XYLT1: variants seen among roughly 807,000 people sequenced by gnomAD.
XYLT1 encodes the protein xylosyltransferase 1.
XYLT1 carries 36 observed loss-of-function variants against 91.3 expected under a neutral mutation model. That is an observed-to-expected ratio of 0.39 (90% CI 0.30 to 0.52). The LOEUF is 0.52. Among genes scored for constraint, XYLT1 ranks in the 20% least tolerant of loss-of-function variants. The pLI is 0.68. For missense variants in XYLT1, 1,242 were observed against 1,284.5 expected, an observed-to-expected ratio of 0.97 and a Z score of 0.51; for synonymous variants, 588 against 532.0, an observed-to-expected ratio of 1.11 and a Z score of -1.45.
intron 1 of XYLT1, among the ~76,000 whole-genome samples, chr16:17,418,754 G>A (rs1025455320): frequency 6.6e-6 from 1 of 151,900 alleles, no homozygotes; most frequent in Non-Finnish European, 1.5e-5. Context: ...AGTCTGAGGT[G>A]GGAGGCTCGC....
At chr16:17,358,197 A>T in intron 1 of XYLT1, 147 bp from the exon 2 acceptor site, 11 of 784,952 alleles carry the variant, frequency 1.4e-5, no homozygotes, top group South Asian at 3.7e-5. Flanking sequence ...TGGCATGATC[A>T]TAGCTCACTC....
intron 9 of XYLT1, among the ~76,000 whole-genome samples, chr16:17,133,518 A>G (rs562289088): frequency 4.6e-5 from 7 of 152,012 alleles, no homozygotes; most frequent in South Asian, 2.1e-4. Context: ...CTTCTGCTCA[A>G]TGGAATACTA....
intron 5 of XYLT1, among the ~76,000 whole-genome samples, chr16:17,182,689 T>TG (rs532893768): frequency 3.0e-5 from 2 of 67,476 alleles, no homozygotes; most frequent in African/African-American, 1.2e-4. Context: ...TAGGCATATG[T>TG]GGGGGGTGGG....
intron 10 of XYLT1, among the ~76,000 whole-genome samples, chr16:17,122,256 G>A (rs1019214673): frequency 6.6e-6 from 1 of 152,086 alleles, no homozygotes; most frequent in Admixed American, 6.6e-5. Context: ...CCACATCCAT[G>A]CCAACATCTG....
chr16:17,402,729 C>CTT (rs34157222), intron 1 of XYLT1, among the ~76,000 whole-genome samples: 1 of 146,378 alleles, frequency 6.8e-6, no homozygotes, highest in African/African-American at 2.6e-5. Flanking sequence ...TTACTATATC[C>CTT]TTTTTTTTCT....
chr16:17,293,172 C>A (rs1211561577), intron 2 of XYLT1, among the ~76,000 whole-genome samples: 1 of 152,144 alleles, frequency 6.6e-6, no homozygotes, highest in African/African-American at 2.4e-5. Flanking sequence ...CTGTCGGCTA[C>A]CCCCACTGCT....
chr16:17,196,997 C>T (rs956334785), intron 5 of XYLT1, among the ~76,000 whole-genome samples: 12 of 121,236 alleles, frequency 9.9e-5, no homozygotes, highest in East Asian at 6.1e-4. Context: ...GGTGACAGAG[C>T]GAGACTCTGT....
chr16:17,247,156 T>TTC (rs2033448686), intron 3 of XYLT1, among the ~76,000 whole-genome samples: 1,530 of 125,652 alleles, frequency 0.012, 31 homozygotes, highest in African/African-American at 0.043. Flanking sequence ...TTCATTCATT[T>TTC]ATTCATTCAC....
Position 17,194,399 on chromosome 16 carries a change from G to A in XYLT1, c.1289+3813C>T, listed in dbSNP as rs573878547. On this transcript the variant is annotated intron_variant, in intron 5 of 11. Transcript: ENST00000261381. ...AATGGCCTCTAGGGGGCAGCAATGCGCATGCCTACCTGGCCTCAAGTGGTC... is the reference window on the plus strand; with the variant it reads ...AATGGCCTCTAGGGGGCAGCAATGCACATGCCTACCTGGCCTCAAGTGGTC... 5.9e-5 allele frequency among the ~76,000 whole-genome samples: 9 copies of A among 152,320 alleles called. No individual in the cohort carries two copies. The South Asian group carries it at 6.2e-4, about 11-fold the overall frequency.
chr16:17,127,812 C>A lies in XYLT1; in HGVS notation c.2077G>T (p.Asp693Tyr). Reference sequence around the variant, plus strand: ...TTGATCAGAAAGCCCTGGAAGCGGTCAGCAAGGAAGTAGAGGTGCACAGAT... The same window carrying A: ...TTGATCAGAAAGCCCTGGAAGCGGTAAGCAAGGAAGTAGAGGTGCACAGAT... ...PASVHLYFLA[D>Y]RFQGFLIKHH... The change falls in exon 10 of 12, where the codon GAC becomes TAC. Residue 693 changes from aspartate (D) to tyrosine (Y), a missense_variant. Asp to Tyr is a radical substitution (Grantham distance 160). Transcript: ENST00000261381. 6.2e-7 allele frequency: 1 copy of A among 1,614,086 alleles called. No homozygotes were observed. Among genetic ancestry groups the A allele is most frequent in the Non-Finnish European group, 8.5e-7 (1 of 1,180,008 alleles).
rs80110442 is a variant in XYLT1, at chr16:17,311,519, C to T, written c.402+46493G>A. 4.7e-3 allele frequency among the ~76,000 whole-genome samples: 709 copies of T among 152,224 alleles called. 5 individuals are homozygous for T. The highest frequency in any genetic ancestry group is 0.015 in the African/African-American group (613 of 41,524). ...TGCAGCTGCTGTTGGTTCAGGACCA[C>T]GCTTCGAGAACAGCTGCCCTACTGC... On this transcript the variant is annotated intron_variant, in intron 2 of 11. Coordinates refer to ENST00000261381, the MANE Select transcript of XYLT1 (RefSeq NM_022166.4).
chr16:17,336,060 A>G (rs1367189620), intron 2 of XYLT1, among the ~76,000 whole-genome samples: 1 of 152,204 alleles, frequency 6.6e-6, no homozygotes, highest in African/African-American at 2.4e-5. Flanking sequence ...TTGTAAAGGA[A>G]GAAGAGGAAA....
At position 17,117,950 on chromosome 16, in the gene XYLT1, C is replaced by T; in HGVS notation, c.2253G>A (p.Arg751=). The change falls in exon 11 of 12, where the codon AGG becomes AGA. Residue 751 remains arginine (R), a synonymous_variant. Coordinates refer to ENST00000261381, the MANE Select transcript of XYLT1 (RefSeq NM_022166.4). The part of the protein sequence containing the change: ...EVGTDWDAKE[R]LFRNFGGLLG... ...GAAGACCCCCAAAGTTGCGGAATAG[C>T]CTCTCCTTGGCATCCCAGTCAGTGC... is the stretch of plus-strand genomic sequence containing the variant. 6.2e-7 allele frequency: 1 copy of T among 1,612,904 alleles called. No homozygotes were observed. The highest frequency in any genetic ancestry group is 8.5e-7 in the Non-Finnish European group (1 of 1,178,990).
chr16:17,272,153 GTTTTTT>G (rs35561235), intron 2 of XYLT1, among the ~76,000 whole-genome samples: 2 of 80,312 alleles, frequency 2.5e-5, no homozygotes, highest in African/African-American at 1.1e-4. Flanking sequence ...TTTGTTGTTG[GTTTTTT>G]TTTTTTTTTT....
chr16:17,231,470 G>A lies in XYLT1; in HGVS notation c.913+27518C>T, dbSNP rs1219614262. Among the ~76,000 whole-genome samples the A allele has an allele frequency of 2.0e-5, 3 of 152,126 alleles. No homozygotes were observed. In the East Asian group the frequency reaches 5.8e-4, roughly 29 times the overall value. On this transcript the variant is annotated intron_variant, in intron 3 of 11. Transcript: ENST00000261381. ...GTTGAGCTGTGTGACCTTCATAAAT[G>A]CCTTCATTTCTCTAAGCCTCAATTT...
chr16:17,232,450 C>CAT (rs5815943), intron 3 of XYLT1, among the ~76,000 whole-genome samples: 55,489 of 111,176 alleles, frequency 0.5, 14,059 homozygotes, highest in African/African-American at 0.63. Context: ...TATATATATA[C>CAT]ATATATATAT....
chr16:17,212,378 A>G (rs543082632), intron 3 of XYLT1, among the ~76,000 whole-genome samples: 1 of 152,256 alleles, frequency 6.6e-6, no homozygotes, highest in South Asian at 2.1e-4. Flanking sequence ...GGGCGCAAGT[A>G]TTGGGACTCT....
chr16:17,411,580 T>C (rs949751394), intron 1 of XYLT1, among the ~76,000 whole-genome samples: 1 of 152,176 alleles, frequency 6.6e-6, no homozygotes, highest in African/African-American at 2.4e-5. Flanking sequence ...TAACAATGAA[T>C]TGAGAACAAT....
rs2141773931 is a variant in XYLT1, at chr16:17,272,335, T to G, written c.403-12837A>C. ...GCATCACCATGCCCGGCTAATTTTT[T>G]GTACTTTTAGTAGAGACGCGGTTTC... On this transcript the variant is annotated intron_variant, in intron 2 of 11. Coordinates refer to ENST00000261381, the MANE Select transcript of XYLT1 (RefSeq NM_022166.4). 1.3e-5 allele frequency among the ~76,000 whole-genome samples: 2 copies of G among 152,012 alleles called. 1 individual carries two copies. Among genetic ancestry groups the G allele is most frequent in the South Asian group, 4.2e-4 (2 of 4,802 alleles).
Sources: gnomAD v4.1 joint callset for allele counts (sites outside exome capture counted in the v4.1 genomes callset) on GRCh38, gnomAD v4.1.1 for gene constraint, MANE v1.5 for transcripts, NCBI Gene and HGNC (gene_info 2026-07-23, HGNC 2026-07-21) for gene names.